The following TUT4 variants were observed in gnomAD, a reference collection of about 807,000 sequenced individuals.
TUT4 encodes the protein terminal uridylyl transferase 4.
A neutral mutation model predicts 192.2 loss-of-function variants in TUT4; 36 were observed. The ratio of observed to expected loss-of-function variants is 0.19; its 90% CI spans 0.14 to 0.25. The LOEUF is 0.25. Ranked by LOEUF, TUT4 falls within the 10% of genes least tolerant of loss-of-function variation. TUT4 has a pLI of 1.00. For missense variants in TUT4, 1,493 were observed against 1,957.2 expected, an observed-to-expected ratio of 0.76 and a Z score of 4.47; for synonymous variants, 618 against 666.0, an observed-to-expected ratio of 0.93 and a Z score of 1.11.
In TUT4 at chr1:52,438,203, T is replaced by A. The variant is rs773619757; in HGVS notation, c.3938+17A>T. On this transcript the variant is annotated intron_variant, in intron 25 of 29. Coordinates refer to ENST00000257177, the MANE Select transcript of TUT4 (RefSeq NM_001009881.3). ...ATTTATTTTCCTCAAAATGTTGATA[T>A]ATATTCATTTGCCAACCTTTTCCTT... 7.0e-6 allele frequency: 11 copies of A among 1,581,596 alleles called. No individual in the cohort carries two copies. Among genetic ancestry groups the A allele is most frequent in the East Asian group, 2.2e-5 (1 of 44,650 alleles).
chr1:52,469,616 C>T (rs866747271), intron 14 of TUT4, among the ~76,000 whole-genome samples: 7 of 152,052 alleles, frequency 4.6e-5, no homozygotes, highest in African/African-American at 7.2e-5. Context: ...ACAGGCTGTG[C>T]GCCGTGGCTC....
chr1:52,463,082 T>TA (rs1663075480), intron 16 of TUT4: 1 of 983,266 alleles, frequency 1.0e-6, no homozygotes, highest in South Asian at 4.7e-5. Flanking sequence ...ATGCTAATCT[T>TA]AAAAGTTTCA....
chr1:52,454,099 T>A (rs1660194975), intron 20 of TUT4, among the ~76,000 whole-genome samples: 1 of 152,170 alleles, frequency 6.6e-6, no homozygotes, highest in African/African-American at 2.4e-5. Context: ...TGGAGAGATA[T>A]TCCATTATAA....
chr1:52,527,357 C>T (rs1682079131), intron 1 of TUT4, among the ~76,000 whole-genome samples: 1 of 152,088 alleles, frequency 6.6e-6, no homozygotes, highest in Non-Finnish European at 1.5e-5. Context: ...ACCAGCCTGA[C>T]CAACATAGTG....
At chr1:52,508,010 G>T (rs2149287491) in intron 4 of TUT4, among the ~76,000 whole-genome samples, 1 of 151,960 alleles carries the variant, frequency 6.6e-6, no homozygotes, top group South Asian at 2.1e-4. Flanking sequence ...ACAGGGTTTT[G>T]CCACGTTGCC....
chr1:52,516,819 C>T (rs1421113744), intron 2 of TUT4, among the ~76,000 whole-genome samples: 2 of 152,102 alleles, frequency 1.3e-5, no homozygotes, highest in Non-Finnish European at 2.9e-5. Flanking sequence ...CAGAATAATT[C>T]CAAGTTGTAA....
At chr1:52,546,455 T>A (rs930361891) in intron 1 of TUT4, among the ~76,000 whole-genome samples, 1 of 152,322 alleles carries the variant, frequency 6.6e-6, no homozygotes, top group East Asian at 1.9e-4. Flanking sequence ...AAATATTGTA[T>A]GATTCAATTT....
At chr1:52,460,108 G>A (rs1274574457) in intron 19 of TUT4, among the ~76,000 whole-genome samples, 2 of 152,146 alleles carry the variant, frequency 1.3e-5, no homozygotes, top group African/African-American at 4.8e-5. Flanking sequence ...ATCTAGAAAA[G>A]TAGGCATATC....
At position 52,468,401 on chromosome 1, in the gene TUT4, C is replaced by T. The variant is rs550388558; in HGVS notation, c.2879-134G>A. The T allele has an allele frequency of 2.6e-5, 17 of 648,152 alleles. No homozygotes were observed. In the East Asian group the frequency reaches 4.6e-4, roughly 17 times the overall value. 40.2% of individuals were successfully genotyped at this position (648,152 alleles called of 1,614,324 possible). On this transcript the variant is annotated intron_variant, in intron 14 of 29. Transcript: ENST00000257177. ...TTTGTTGACTTCTCTGACTTTAAAA[C>T]CATAAATGTTACTGGGGAAGGGTCT...
At chr1:52,547,608 A>G (rs915048266) in intron 1 of TUT4, among the ~76,000 whole-genome samples, 22 of 152,218 alleles carry the variant, frequency 1.4e-4, no homozygotes, top group Non-Finnish European at 2.2e-4. Context: ...TATAGGCAAA[A>G]AGTAGAAATA....
chr1:52,519,426 T>C (rs181855451), intron 2 of TUT4, among the ~76,000 whole-genome samples: 4 of 152,298 alleles, frequency 2.6e-5, no homozygotes, highest in African/African-American at 9.6e-5. Context: ...ATGAAAATGT[T>C]CAGAATTAGA....
intron 29 of TUT4, 35 bp from the exon 30 acceptor site, chr1:52,424,037 C>T: frequency 6.3e-7 from 1 of 1,585,594 alleles, no homozygotes; most frequent in Non-Finnish European, 8.6e-7. Context: ...AACTGAAAGG[C>T]TTGTGCCTGT....
At chr1:52,512,908 AC>A (rs1004578838) in intron 3 of TUT4, among the ~76,000 whole-genome samples, 2 of 151,694 alleles carry the variant, frequency 1.3e-5, no homozygotes, top group Non-Finnish European at 2.9e-5. Flanking sequence ...TAAAAAAAAA[AC>A]AAAAACCTGG....
chr1:52,528,558 A>G (rs1348866822), intron 1 of TUT4, among the ~76,000 whole-genome samples: 1 of 151,992 alleles, frequency 6.6e-6, no homozygotes, highest in East Asian at 1.9e-4. Flanking sequence ...TTTGCCCTAT[A>G]CACCTTAAAT....
chr1:52,468,413 C>T (rs183449121), intron 14 of TUT4, 146 bp from the exon 15 acceptor site: 93 of 611,338 alleles, frequency 1.5e-4, no homozygotes, highest in African/African-American at 1.3e-3. Flanking sequence ...ATAAATGTTA[C>T]TGGGGAAGGG....
chr1:52,464,914 G>T, intron 16 of TUT4, 156 bp downstream of exon 16: 1 of 505,048 alleles, frequency 2.0e-6, no homozygotes, highest in Non-Finnish European at 3.3e-6. Flanking sequence ...CTTCTAAACT[G>T]AAAATGCTAC....
At chr1:52,466,940 T>G in intron 15 of TUT4, among the ~76,000 whole-genome samples, 1 of 152,098 alleles carries the variant, frequency 6.6e-6, no homozygotes. Flanking sequence ...GTGCTGGGAT[T>G]ATAGGTGTAA....
intron 10 of TUT4, 83 bp from the exon 11 acceptor site, chr1:52,481,718 T>C (rs1668517634): frequency 6.5e-7 from 1 of 1,542,224 alleles, no homozygotes; most frequent in Non-Finnish European, 8.7e-7. Flanking sequence ...CAAACCAGAA[T>C]TCCAGCTTAA....
chr1:52,524,097 A>G (rs925307780), intron 2 of TUT4, among the ~76,000 whole-genome samples: 3 of 152,228 alleles, frequency 2.0e-5, no homozygotes, highest in African/African-American at 7.2e-5. Context: ...ATCCCACAAC[A>G]AAATGAATTT....
Sources: allele counts gnomAD v4.1 joint callset (sites outside exome capture counted in the v4.1 genomes callset), GRCh38; gene constraint gnomAD v4.1.1; transcripts MANE v1.5; gene names NCBI Gene and HGNC (gene_info 2026-07-23, HGNC 2026-07-21).